The following ADGRE3 variants were observed in gnomAD, a reference collection of about 807,000 sequenced individuals.
ADGRE3 encodes the protein EGF-like module receptor 3.
ADGRE3 carries 88 observed loss-of-function variants against 80.1 expected under a neutral mutation model. That is an observed-to-expected ratio of 1.10 (90% CI 0.93 to 1.31). The LOEUF is 1.31. ADGRE3 is among the 40% of genes most tolerant of loss of function. The pLI is 0.00. For synonymous variants in ADGRE3, 281 were observed against 294.8 expected, an observed-to-expected ratio of 0.95 and a Z score of 0.48; for missense variants, 715 against 776.5, an observed-to-expected ratio of 0.92 and a Z score of 0.94.
intron 15 of ADGRE3, among the ~76,000 whole-genome samples, chr19:14,624,243 T>C (rs1190428219): frequency 1.3e-5 from 2 of 152,068 alleles, no homozygotes; most frequent in Admixed American, 6.6e-5. Context: ...TACAGGCATG[T>C]GCCACCATGC....
At chr19:14,674,532 A>G (rs1175016842) in intron 1 of ADGRE3, among the ~76,000 whole-genome samples, 1 of 152,140 alleles carries the variant, frequency 6.6e-6, no homozygotes, top group African/African-American at 2.4e-5. Context: ...AAAACAAACA[A>G]AAAACCAAGC....
At chr19:14,627,601 A>ACTC (rs1354579366) in intron 14 of ADGRE3, among the ~76,000 whole-genome samples, 2 of 149,718 alleles carry the variant, frequency 1.3e-5, no homozygotes, top group African/African-American at 4.9e-5. Flanking sequence ...CTGGTCTTGA[A>ACTC]CTCCTGACCT....
intron 12 of ADGRE3, 77 bp from the exon 13 acceptor site, chr19:14,633,089 TCCTAC>T (rs1970930303): frequency 1.5e-6 from 2 of 1,329,588 alleles, no homozygotes; most frequent in African/African-American, 1.5e-5. Context: ...CACACAGGAG[TCCTAC>T]CCTCTTGTAC....
At chr19:14,637,356 C>T (rs1231853284) in intron 11 of ADGRE3, among the ~76,000 whole-genome samples, 1 of 151,264 alleles carries the variant, frequency 6.6e-6, no homozygotes, top group Non-Finnish European at 1.5e-5. Context: ...AGAGTCTTCT[C>T]TCATCTTCTC....
intron 7 of ADGRE3, among the ~76,000 whole-genome samples, chr19:14,648,256 T>C (rs1427223049): frequency 2.0e-5 from 3 of 152,174 alleles, no homozygotes; most frequent in Non-Finnish European, 4.4e-5. Flanking sequence ...TCTTGGTTTC[T>C]TTAATATGCT....
chr19:14,655,765 T>C (rs1015390332), intron 5 of ADGRE3, among the ~76,000 whole-genome samples: 30 of 151,938 alleles, frequency 2.0e-4, no homozygotes, highest in Admixed American at 1.2e-3. Flanking sequence ...CCTGATTGGG[T>C]TAGTTATTAT....
At chr19:14,649,206 A>ATC (rs1163061328) in intron 7 of ADGRE3, among the ~76,000 whole-genome samples, 1 of 68,266 alleles carries the variant, frequency 1.5e-5, no homozygotes, top group East Asian at 4.1e-4. Flanking sequence ...CTCTCTTTTC[A>ATC]TCTCTCTCTC....
At chr19:14,620,684 G>A (rs565912849) in intron 15 of ADGRE3, among the ~76,000 whole-genome samples, 6 of 139,088 alleles carry the variant, frequency 4.3e-5, no homozygotes, top group Admixed American at 7.5e-5. Context: ...TCTGCCTCCC[G>A]GGCTTAAGCA....
At chr19:14,601,824 G>A in the ADGRE3 span, among the ~76,000 whole-genome samples, 3 of 151,718 alleles carry the variant, frequency 2.0e-5, no homozygotes, top group African/African-American at 2.4e-5. Flanking sequence ...ATGGAGTCTC[G>A]CTCTGTCACC....
At chr19:14,624,478 G>A (rs566365815) in intron 15 of ADGRE3, among the ~76,000 whole-genome samples, 22 of 152,002 alleles carry the variant, frequency 1.4e-4, no homozygotes, top group Non-Finnish European at 2.8e-4. Flanking sequence ...AATATAGGCC[G>A]GGTGTGGTGG....
chr19:14,641,272 C>G lies in ADGRE3; in HGVS notation c.1248+147G>C, dbSNP rs551110150. On this transcript the variant is annotated intron_variant, in intron 10 of 15. Transcript: ENST00000253673. Reference sequence around the variant, plus strand: ...CTGTCTTTTGTTACATGGGTCCCAGCTACGATCTCAGAAGGGTAGCGGGAA... The same window carrying G: ...CTGTCTTTTGTTACATGGGTCCCAGGTACGATCTCAGAAGGGTAGCGGGAA... The G allele has an allele frequency of 1.7e-5, 16 of 944,710 alleles. No individual in the cohort carries two copies. The East Asian group carries it at 4.0e-4, about 23-fold the overall frequency. 58.5% of individuals were successfully genotyped at this position (944,710 alleles called of 1,614,324 possible).
At chr19:14,629,784 A>T (rs546278265) in intron 14 of ADGRE3, among the ~76,000 whole-genome samples, 1 of 152,320 alleles carries the variant, frequency 6.6e-6, no homozygotes, top group African/African-American at 2.4e-5. Context: ...TTAGCTGACT[A>T]TTACGAGTGG....
intron 6 of ADGRE3, among the ~76,000 whole-genome samples, chr19:14,653,198 G>A (rs894954455): frequency 2.0e-5 from 3 of 151,898 alleles, no homozygotes; most frequent in Non-Finnish European, 2.9e-5. Flanking sequence ...GGCTGATCTC[G>A]AACTCCTGAC....
the ADGRE3 span, among the ~76,000 whole-genome samples, chr19:14,613,128 G>A: frequency 6.6e-6 from 1 of 151,732 alleles, no homozygotes; most frequent in African/African-American, 2.4e-5. Context: ...GCTTTGCCAT[G>A]TTGGCCAGGC....
intron 1 of ADGRE3, among the ~76,000 whole-genome samples, chr19:14,670,839 A>G (rs1274146131): frequency 6.6e-6 from 1 of 152,206 alleles, no homozygotes; most frequent in Non-Finnish European, 1.5e-5. Flanking sequence ...TCTGGGTTCT[A>G]GCTGATAACC....
At position 14,644,164 on chromosome 19, in the gene ADGRE3, T is replaced by C. The variant is rs765229625; in HGVS notation, c.994A>G (p.Met332Val). Reference protein sequence around the residue: ...FLIHVNKSHTMCNCSHLSSFA... With the variant: ...FLIHVNKSHTVCNCSHLSSFA... ...CTGGACAGGTGACTGCAATTACACA[T>C]GGTGTGACTCTTGTTCACGTGTATC... The change falls in exon 9 of 16, where the codon ATG (methionine) becomes GTG (valine). Residue 332 changes from methionine (M) to valine (V), a missense_variant. Met to Val is a conservative substitution (Grantham distance 21, BLOSUM62 1). Transcript: ENST00000253673. The C allele has an allele frequency of 4.4e-6, 7 of 1,606,258 alleles. No homozygotes were observed. The highest frequency in any genetic ancestry group is 2.7e-5 in the African/African-American group (2 of 74,348).
At chr19:14,643,226 A>G (rs900694363) in intron 9 of ADGRE3, among the ~76,000 whole-genome samples, 2 of 138,596 alleles carry the variant, frequency 1.4e-5, no homozygotes, top group Non-Finnish European at 3.2e-5. Context: ...GTTCGCTGCA[A>G]CCTCTGCCTC....
At position 14,623,299 on chromosome 19, in the gene ADGRE3, TAAAAAA is replaced by T. The variant is rs1325415854; in HGVS notation, c.1920+2187_1920+2192del. 1.2e-4 allele frequency among the ~76,000 whole-genome samples: 2 copies of T among 16,702 alleles called. 1 individual carries two copies. The highest frequency in any genetic ancestry group is 2.2e-4 in the African/African-American group (2 of 9,050). The allele number at this position is 16,702 out of a possible 152,430, so 11.0% of individuals were successfully genotyped here. A position where few individuals can be genotyped will look rare whatever the true frequency, so the allele number is the denominator to read the frequency against. The stretch of plus-strand genomic sequence containing the variant: ...CCTAAAATACTTAAAAAAAAAAAAA[TAAAAAA>T]AAAAAAAAATAAAACTCCTGGACTT... On this transcript the variant is annotated intron_variant, in intron 15 of 15. Transcript: ENST00000253673.
intron 11 of ADGRE3, 25 bp from the exon 12 acceptor site, chr19:14,633,327 C>A: frequency 6.3e-7 from 1 of 1,576,088 alleles, no homozygotes; most frequent in South Asian, 1.1e-5. Context: ...AAAAGAGATA[C>A]AAAGAGAGAT....
Sources: allele counts gnomAD v4.1 joint callset (sites outside exome capture counted in the v4.1 genomes callset), GRCh38; gene constraint gnomAD v4.1.1; transcripts MANE v1.5; gene names NCBI Gene and HGNC (gene_info 2026-07-23, HGNC 2026-07-21).